DRC3: variants seen among roughly 807,000 people sequenced by gnomAD.
DRC3 encodes the protein leucine rich repeat containing 48.
Under a neutral mutation model 57.6 loss-of-function variants are expected in DRC3, and 45 were observed. That is an observed-to-expected ratio of 0.78 (90% CI 0.62 to 1.00). The LOEUF is 1.00. Ranked by LOEUF, DRC3 falls within the 50% of genes least tolerant of loss-of-function variation. The pLI is 0.00. For missense variants in DRC3, 655 were observed against 675.2 expected (o/e 0.97, Z 0.33); for synonymous variants, 257 against 272.3 (o/e 0.94, Z 0.55).
chr17:18,000,077 CGTGT>C (rs35063272), intron 9 of DRC3, among the ~76,000 whole-genome samples: 1,924 of 132,046 alleles, frequency 0.015, 24 homozygotes, highest in African/African-American at 0.043. Context: ...ACTTTGCTTT[CGTGT>C]GTGTGTGTGT....
At chr17:17,985,311 C>G (rs116014691) in intron 4 of DRC3, among the ~76,000 whole-genome samples, 3,467 of 152,370 alleles carry the variant, frequency 0.023, 113 homozygotes, top group African/African-American at 0.071. Context: ...TGGCCATCCA[C>G]GCTTCCAAGG....
chr17:17,977,219 A>C (rs933894621), intron 2 of DRC3, among the ~76,000 whole-genome samples: 2 of 152,210 alleles, frequency 1.3e-5, no homozygotes, highest in Non-Finnish European at 2.9e-5. Flanking sequence ...CCACAAGCCC[A>C]AGTGAGGATG....
chr17:18,016,549 A>C lies in DRC3; in HGVS notation c.1459-9A>C. Reference sequence around the variant, plus strand: ...ATGTAAGGAATCGGGCTTTGGTTTCACTCCTCAGATTCACAAGGATGAGAT... The same window carrying C: ...ATGTAAGGAATCGGGCTTTGGTTTCCCTCCTCAGATTCACAAGGATGAGAT... On this transcript the variant is annotated splice_polypyrimidine_tract_variant and intron_variant, in intron 13 of 13. Transcript: ENST00000399187. The C allele has an allele frequency of 4.4e-6, 7 of 1,597,998 alleles. No homozygotes were observed. Among genetic ancestry groups the C allele is most frequent in the Non-Finnish European group, 4.3e-6 (5 of 1,166,132 alleles).
Position 18,016,705 on chromosome 17 carries a change from T to C in DRC3, c.*34T>C, listed in dbSNP as rs57948629. On this transcript the variant is annotated 3_prime_UTR_variant, in exon 14 of 14. Coordinates refer to ENST00000399187, the MANE Select transcript of DRC3 (RefSeq NM_031294.4). ...CAGCCACAGGAGCTTCTTCAAAACA[T>C]AGCACCAGCCCCAGCCAGGAGAAGG... 6,212 of 1,409,050 alleles carry C rather than the reference T, an allele frequency of 4.4e-3. 241 individuals carry two copies. The African/African-American group carries it at 0.078, about 18-fold the overall frequency. The allele number at this position is 1,409,050 out of a possible 1,614,324, so 87.3% of individuals were successfully genotyped here.
At chr17:17,992,934 C>T (rs780797929) in intron 6 of DRC3, 23 bp downstream of exon 6, 10 of 1,613,266 alleles carry the variant, frequency 6.2e-6, no homozygotes, top group Non-Finnish European at 7.6e-6. Context: ...CTCTCAGTCT[C>T]CCAGCCCTGT....
chr17:17,978,283 G>A (rs571568969), intron 3 of DRC3, among the ~76,000 whole-genome samples: 12 of 152,160 alleles, frequency 7.9e-5, no homozygotes, highest in African/African-American at 1.4e-4. Context: ...AGGACCAGGC[G>A]GACCCTCACT....
chr17:18,016,066 T>A lies in DRC3; in HGVS notation c.1329T>A (p.Leu443=). Residue 443 remains leucine (L), a splice_region_variant and synonymous_variant, in exon 13 of 14, where the codon CTT becomes CTA. Coordinates refer to ENST00000399187, the MANE Select transcript of DRC3 (RefSeq NM_031294.4). ...ATTGGATTCTTTTCACTCACCAGCTTTTTGTCGATAAAGATACGATTGTTA... is the reference window on the plus strand; with the variant it reads ...ATTGGATTCTTTTCACTCACCAGCTATTTGTCGATAAAGATACGATTGTTA... ...DEDLPNDLRA[L]FVDKDTIVNA... is the part of the protein sequence containing the mutation. 1 of 1,613,354 alleles carries A rather than the reference T, an allele frequency of 6.2e-7. No homozygotes were observed. The highest frequency in any genetic ancestry group is 8.5e-7 in the Non-Finnish European group (1 of 1,179,342).
chr17:18,006,255 T>C lies in DRC3; in HGVS notation c.1202+2T>C, dbSNP rs2043946543. 1.2e-6 allele frequency: 2 copies of C among 1,607,448 alleles called. No homozygotes were observed. The highest frequency in any genetic ancestry group is 1.7e-5 in the Admixed American group (1 of 59,670). ...GTTTATCGAAAATGTCCAAAGCCTATATCCTTTCTGTGATGACCTTCCCCA... is the reference window on the plus strand; with the variant it reads ...GTTTATCGAAAATGTCCAAAGCCTACATCCTTTCTGTGATGACCTTCCCCA... On this transcript the variant is annotated splice_donor_variant, in intron 11 of 13. Coordinates refer to ENST00000399187, the MANE Select transcript of DRC3 (RefSeq NM_031294.4). LOFTEE classifies it high-confidence loss of function.
intron 10 of DRC3, 64 bp from the exon 11 acceptor site, chr17:18,006,119 G>A: frequency 1.6e-6 from 2 of 1,236,094 alleles, no homozygotes; most frequent in Admixed American, 3.8e-5. Flanking sequence ...ATTTTGAGGA[G>A]TACCTTTTGC....
intron 9 of DRC3, among the ~76,000 whole-genome samples, chr17:17,999,929 T>C (rs114148031): frequency 2.6e-5 from 4 of 152,078 alleles, no homozygotes; most frequent in South Asian, 2.1e-4. Flanking sequence ...TGTGTGTGTG[T>C]GCGTGCGTGC....
intron 3 of DRC3, chr17:17,981,226 CT>C: frequency 3.8e-6 from 1 of 261,792 alleles, no homozygotes; most frequent in South Asian, 5.0e-5. Flanking sequence ...TCTTTGCTTC[CT>C]CCAGGAAAAA....
chr17:17,993,090 G>GT, intron 6 of DRC3, 179 bp downstream of exon 6: 1 of 654,644 alleles, frequency 1.5e-6, no homozygotes, highest in Non-Finnish European at 2.6e-6. Flanking sequence ...CAGCACCCTT[G>GT]TAAGTACTGT....
In DRC3 at chr17:18,008,880, A is replaced by C. The variant is rs932899554; in HGVS notation, c.1326+1733A>C. ...GAAGGCACAGGACTGAAACGTGCCCAATTTCTAATGACTAGGACACACAGA... is the reference window on the plus strand; with the variant it reads ...GAAGGCACAGGACTGAAACGTGCCCCATTTCTAATGACTAGGACACACAGA... On this transcript the variant is annotated intron_variant, in intron 12 of 13. Coordinates refer to ENST00000399187, the MANE Select transcript of DRC3 (RefSeq NM_031294.4). This position sits in a 1 kb window ranked among gnomAD's most constrained non-coding sequence, Gnocchi z 4.3. 2.0e-5 allele frequency among the ~76,000 whole-genome samples: 3 copies of C among 152,180 alleles called. No individual in the cohort carries two copies. Among genetic ancestry groups the C allele is most frequent in the African/African-American group, 7.2e-5 (3 of 41,460 alleles).
intron 12 of DRC3, chr17:18,007,845 TTCTC>T: frequency 1.1e-5 from 11 of 1,008,172 alleles, no homozygotes; most frequent in Non-Finnish European, 1.1e-5. Context: ...GTTTCTCAGC[TTCTC>T]TCTGTCGCGA....
intron 3 of DRC3, among the ~76,000 whole-genome samples, chr17:17,982,218 CTT>C (rs1158596529): frequency 4.5e-4 from 63 of 140,920 alleles, no homozygotes; most frequent in East Asian, 1.0e-3. Context: ...GTCTCCATCT[CTT>C]TTTTTTTTTT....
At chr17:17,977,834 G>T in intron 3 of DRC3, 76 bp downstream of exon 3, 1 of 1,461,632 alleles carries the variant, frequency 6.8e-7, no homozygotes. Context: ...TCAAGCCCCA[G>T]GATTCCATGC....
chr17:18,012,737 A>T (rs2044213113), intron 12 of DRC3, among the ~76,000 whole-genome samples: 1 of 152,218 alleles, frequency 6.6e-6, no homozygotes, highest in South Asian at 2.1e-4. Context: ...AACAAGAGAA[A>T]TGCTTTAGGA....
intron 3 of DRC3, chr17:17,981,334 C>A: frequency 4.2e-6 from 1 of 240,376 alleles, no homozygotes. Flanking sequence ...GACGGGACAG[C>A]CTCTCATGAT....
chr17:17,994,463 C>A, intron 7 of DRC3, 45 bp downstream of exon 7: 1 of 1,542,838 alleles, frequency 6.5e-7, no homozygotes, highest in Non-Finnish European at 8.7e-7. Flanking sequence ...CTCAGATGCC[C>A]ACAAGAGGGC....
Sources: gnomAD v4.1 joint callset for allele counts (sites outside exome capture counted in the v4.1 genomes callset) on GRCh38, gnomAD v4.1.1 for gene constraint, Gnocchi (gnomAD v3.1) non-coding constraint, MANE v1.5 for transcripts, NCBI Gene and HGNC (gene_info 2026-07-23, HGNC 2026-07-21) for gene names.